Variants in FMN2 observed in about 807,000 individuals in gnomAD.
FMN2 encodes the protein formin 2, also known as formin-2.
Under a neutral mutation model 142.3 loss-of-function variants are expected in FMN2, and 51 were observed. The observed-to-expected ratio is 0.36, with a 90% CI of 0.29 to 0.45. The LOEUF is 0.45. Among genes scored for constraint, FMN2 ranks in the 20% least tolerant of loss-of-function variants. The pLI is 1.00. For synonymous variants in FMN2, 882 were observed against 869.8 expected, an observed-to-expected ratio of 1.01 and a Z score of -0.25; for missense variants, 1,936 against 2,122.8, an observed-to-expected ratio of 0.91 and a Z score of 1.73.
chr1:240,369,749 A>G (rs1255333296), intron 14 of FMN2, among the ~76,000 whole-genome samples: 3 of 152,164 alleles, frequency 2.0e-5, no homozygotes, highest in African/African-American at 7.2e-5. Context: ...TTTCTAATCT[A>G]AATTTTCCCT....
rs528017170 is a variant in FMN2 at position 240,328,367 on chromosome 1, TAAGA to T, written c.4216-706_4216-703del. Reference sequence around the variant, plus strand: ...TTCCAAATTCAACTTGACTTCTGAATAAGAAATACTACTTTATAAAATGAAATGC... The same window carrying T: ...TTCCAAATTCAACTTGACTTCTGAATAATACTACTTTATAAAATGAAATGC... On this transcript the variant is annotated intron_variant, in intron 8 of 17. Coordinates refer to ENST00000319653, the MANE Select transcript of FMN2 (RefSeq NM_020066.5). 4.4e-3 allele frequency among the ~76,000 whole-genome samples: 660 copies of T among 151,696 alleles called. 2 individuals are homozygous for T. The highest frequency in any genetic ancestry group is 7.4e-3 in the Non-Finnish European group (500 of 67,872).
intron 13 of FMN2, among the ~76,000 whole-genome samples, chr1:240,336,553 CAAAAAAAAAAAAA>C (rs552135436): frequency 2.4e-4 from 12 of 50,492 alleles, no homozygotes; most frequent in East Asian, 2.0e-3. Flanking sequence ...TGGTATTCTC[CAAAAAAAAAAAAA>C]AAAAAAAAAA....
chr1:240,462,065 A>G (rs1183847188), intron 16 of FMN2, among the ~76,000 whole-genome samples: 2 of 152,226 alleles, frequency 1.3e-5, no homozygotes, highest in African/African-American at 4.8e-5. Flanking sequence ...ATAACTGTAT[A>G]TAAAGTCAAT....
intron 7 of FMN2, among the ~76,000 whole-genome samples, chr1:240,287,198 G>A (rs1233335957): frequency 6.6e-6 from 1 of 152,164 alleles, no homozygotes; most frequent in Non-Finnish European, 1.5e-5. Flanking sequence ...CAGTTCCTCA[G>A]AGAGATCTCT....
chr1:240,328,514 A>G (rs989888042), intron 8 of FMN2, among the ~76,000 whole-genome samples: 2 of 151,864 alleles, frequency 1.3e-5, no homozygotes, highest in Non-Finnish European at 2.9e-5. Context: ...ATTATTTGGA[A>G]GATTTGGGGA....
At chr1:240,214,767 G>C (rs1202729281) in intron 6 of FMN2, among the ~76,000 whole-genome samples, 2 of 151,798 alleles carry the variant, frequency 1.3e-5, no homozygotes, top group African/African-American at 4.8e-5. Flanking sequence ...ATCAAATAAG[G>C]ATTAAAAAGT....
intron 6 of FMN2, among the ~76,000 whole-genome samples, chr1:240,223,944 G>T (rs766814494): frequency 9.2e-5 from 14 of 152,034 alleles, no homozygotes; most frequent in Non-Finnish European, 1.8e-4. Flanking sequence ...TCCTGGATTC[G>T]TTGATTTTTT....
chr1:240,151,868 G>A (rs1167052083), intron 2 of FMN2, among the ~76,000 whole-genome samples: 2 of 152,090 alleles, frequency 1.3e-5, no homozygotes, highest in Non-Finnish European at 2.9e-5. Context: ...CTAGGTTCAA[G>A]CGATCCTCCC....
At chr1:240,450,555 C>A (rs1017861978) in intron 16 of FMN2, among the ~76,000 whole-genome samples, 2 of 152,192 alleles carry the variant, frequency 1.3e-5, no homozygotes. Context: ...CCTCTCCCAC[C>A]CGGCCCCAGC....
chr1:240,109,357 C>T (rs1158051320), intron 1 of FMN2, among the ~76,000 whole-genome samples: 2 of 152,174 alleles, frequency 1.3e-5, no homozygotes, highest in Non-Finnish European at 2.9e-5. Flanking sequence ...TGATCGTCCT[C>T]ATGACAATGA....
At chr1:240,198,835 G>C (rs927919559) in intron 4 of FMN2, among the ~76,000 whole-genome samples, 1 of 152,036 alleles carries the variant, frequency 6.6e-6, no homozygotes, top group Admixed American at 6.6e-5. Context: ...AGCCTGGCGC[G>C]GTGGCTCACA....
chr1:240,362,358 T>G (rs1672515550), intron 14 of FMN2, among the ~76,000 whole-genome samples: 1 of 152,204 alleles, frequency 6.6e-6, no homozygotes, highest in South Asian at 2.1e-4. Context: ...ATTCTTAATC[T>G]CCAGATGGTC....
chr1:240,242,845 G>A (rs1667957273), intron 6 of FMN2, among the ~76,000 whole-genome samples: 1 of 152,200 alleles, frequency 6.6e-6, no homozygotes, highest in African/African-American at 2.4e-5. Context: ...AGTGAGAGGT[G>A]TCAAATGTCA....
chr1:240,426,429 C>T (rs932433480), intron 15 of FMN2, among the ~76,000 whole-genome samples: 33 of 152,186 alleles, frequency 2.2e-4, no homozygotes, highest in Middle Eastern at 6.9e-3. Flanking sequence ...TCTAGAATGC[C>T]ATTTTAAAAG....
chr1:240,406,640 GATGTTT>G (rs1240078400), intron 15 of FMN2, among the ~76,000 whole-genome samples: 2 of 152,134 alleles, frequency 1.3e-5, no homozygotes, highest in African/African-American at 4.8e-5. Context: ...ATTGTTACCT[GATGTTT>G]ATTGTAGTGA....
intron 8 of FMN2, among the ~76,000 whole-genome samples, chr1:240,315,581 A>G (rs1329960500): frequency 2.0e-5 from 3 of 152,216 alleles, no homozygotes; most frequent in Admixed American, 6.5e-5. Context: ...TTGCCAACAT[A>G]CAAGTGTTCA....
At chr1:240,145,422 A>AAT (rs1190731429) in intron 2 of FMN2, 16 of 455,900 alleles carry the variant, frequency 3.5e-5, no homozygotes, top group Admixed American at 3.3e-4. Flanking sequence ...GATACATAGT[A>AAT]ATATATATAT....
chr1:240,453,832 A>G lies in FMN2; in HGVS notation c.5060+15622A>G, dbSNP rs1284367410. Among the ~76,000 whole-genome samples the G allele has an allele frequency of 8.8e-5, 5 of 56,526 alleles. 2 individuals are homozygous for G. The highest frequency in any genetic ancestry group is 4.1e-4 in the Admixed American group (2 of 4,898). 37.1% of individuals were successfully genotyped at this position (56,526 alleles called of 152,430 possible). ...GTGAAACCCCGTCTCTACTAAAAAG[A>G]CAAAAAATTAGCCGGGCGCGGTGGC... On this transcript the variant is annotated intron_variant, in intron 16 of 17. Coordinates refer to ENST00000319653, the MANE Select transcript of FMN2 (RefSeq NM_020066.5).
At chr1:240,154,482 A>G (rs952676644) in intron 2 of FMN2, among the ~76,000 whole-genome samples, 8 of 152,170 alleles carry the variant, frequency 5.3e-5, no homozygotes, top group Non-Finnish European at 1.0e-4. Flanking sequence ...GACACATTGA[A>G]GAAATGGTGA....
Sources: gnomAD v4.1 joint callset for allele counts (sites outside exome capture counted in the v4.1 genomes callset) on GRCh38, gnomAD v4.1.1 for gene constraint, MANE v1.5 for transcripts, NCBI Gene and HGNC (gene_info 2026-07-23, HGNC 2026-07-21) for gene names.